ZEB1: variants seen among roughly 807,000 people sequenced by gnomAD.
The protein encoded by ZEB1 is zinc finger E-box-binding homeobox 1.
A neutral mutation model predicts 84.9 loss-of-function variants in ZEB1; 21 were observed. The ratio of observed to expected loss-of-function variants is 0.25; its 90% CI spans 0.18 to 0.36. ZEB1 has a LOEUF of 0.36. ZEB1 is among the 10% of genes least tolerant of loss of function. ZEB1 has a pLI of 1.00. For missense variants in ZEB1, 1,104 were observed against 1,330.2 expected (o/e 0.83, Z 2.65); for synonymous variants, 420 against 471.1 (o/e 0.89, Z 1.41).
intron 1 of ZEB1, among the ~76,000 whole-genome samples, chr10:31,351,730 G>T (rs2041347850): frequency 6.6e-6 from 1 of 152,044 alleles, no homozygotes; most frequent in Admixed American, 6.5e-5. Context: ...ATCCTTCAGA[G>T]GTTATCTAAA....
chr10:31,386,062 T>C (rs1464011072), intron 1 of ZEB1, among the ~76,000 whole-genome samples: 1 of 152,138 alleles, frequency 6.6e-6, no homozygotes, highest in Admixed American at 6.5e-5. Flanking sequence ...GGCAGAATTA[T>C]AGCTATAGAC....
At chr10:31,389,432 G>A (rs770077014) in intron 1 of ZEB1, among the ~76,000 whole-genome samples, 1 of 151,908 alleles carries the variant, frequency 6.6e-6, no homozygotes, top group Non-Finnish European at 1.5e-5. Flanking sequence ...GTCTTTCATC[G>A]GTATCTGTAT....
At chr10:31,422,755 A>C (rs887994446) in intron 1 of ZEB1, among the ~76,000 whole-genome samples, 1 of 151,888 alleles carries the variant, frequency 6.6e-6, no homozygotes, top group African/African-American at 2.4e-5. Context: ...TTTGGGTGCA[A>C]ATGATCCTGT....
Position 31,398,300 on chromosome 10 carries a change from T to TTA in ZEB1, c.59-62729_59-62728dup, listed in dbSNP as rs112320017. Among the ~76,000 whole-genome samples the TTA allele has an allele frequency of 2.1e-4, 32 of 152,180 alleles. 2 individuals carry two copies. The highest frequency in any genetic ancestry group is 7.7e-4 in the African/African-American group (32 of 41,530). On this transcript the variant is annotated intron_variant, in intron 1 of 8. Coordinates refer to ENST00000424869, the MANE Select transcript of ZEB1 (RefSeq NM_001174096.2). ...ACATTTATACTTATTTTTAGAACCA[T>TTA]TATATATATTGGCTTCTTTGTATTA...
At chr10:31,322,809 C>T (rs2034480269) in intron 1 of ZEB1, among the ~76,000 whole-genome samples, 1 of 150,360 alleles carries the variant, frequency 6.7e-6, no homozygotes. Flanking sequence ...GATTAATTCT[C>T]TTTAGATGGA....
chr10:31,443,211 G>C (rs563321233), intron 1 of ZEB1, among the ~76,000 whole-genome samples: 42 of 152,218 alleles, frequency 2.8e-4, no homozygotes, highest in African/African-American at 9.6e-4. Flanking sequence ...ATTCTTACTG[G>C]GTGGTTCATC....
chr10:31,387,191 G>T (rs1334299542), intron 1 of ZEB1: 1 of 985,752 alleles, frequency 1.0e-6, no homozygotes. Flanking sequence ...AAGATCTGCA[G>T]ATCTTTTTCA....
chr10:31,378,460 A>G lies in ZEB1; in HGVS notation c.58+59168A>G, dbSNP rs2047068224. On this transcript the variant is annotated intron_variant, in intron 1 of 8. Transcript: ENST00000424869. ...CTTAGTAGAAGATTTAAGACTACCT[A>G]TATTTTGAATTACTGTATTTTAGAT... Among the ~76,000 whole-genome samples, 8 of 151,912 alleles carry G rather than the reference A, an allele frequency of 5.3e-5. No homozygotes were observed. The South Asian group carries it at 1.7e-3, about 31-fold the overall frequency.
At chr10:31,488,084 G>A (rs60567157) in intron 2 of ZEB1, among the ~76,000 whole-genome samples, 7,807 of 148,544 alleles carry the variant, frequency 0.053, 590 homozygotes, top group East Asian at 0.18. Flanking sequence ...TATTTTCTTC[G>A]TACTATTGTC....
At chr10:31,400,440 T>C (rs1180180102) in intron 1 of ZEB1, among the ~76,000 whole-genome samples, 3 of 152,162 alleles carry the variant, frequency 2.0e-5, no homozygotes, top group East Asian at 1.9e-4. Flanking sequence ...GGTATCATTA[T>C]ATATGTAGAA....
intron 1 of ZEB1, among the ~76,000 whole-genome samples, chr10:31,425,102 G>A (rs1404285495): frequency 6.6e-6 from 1 of 152,028 alleles, no homozygotes; most frequent in Non-Finnish European, 1.5e-5. Flanking sequence ...TAGAACTCCT[G>A]AAGAAATTTG....
At chr10:31,489,453 T>G (rs2138784052) in intron 2 of ZEB1, among the ~76,000 whole-genome samples, 1 of 151,402 alleles carries the variant, frequency 6.6e-6, no homozygotes, top group South Asian at 2.1e-4. Flanking sequence ...ATTGGTTTGT[T>G]TAGGCCATTT....
intron 4 of ZEB1, among the ~76,000 whole-genome samples, chr10:31,504,980 GT>G (rs1459349870): frequency 6.6e-6 from 1 of 151,992 alleles, no homozygotes; most frequent in African/African-American, 2.4e-5. Flanking sequence ...TTCCAATACT[GT>G]GTTGAATAGG....
intron 2 of ZEB1, among the ~76,000 whole-genome samples, chr10:31,469,234 C>T (rs1206025170): frequency 6.6e-6 from 1 of 152,156 alleles, no homozygotes; most frequent in Admixed American, 6.5e-5. Flanking sequence ...AGGAACAGCT[C>T]CGGTCTACAG....
chr10:31,505,167 G>A (rs771559632), intron 4 of ZEB1, among the ~76,000 whole-genome samples: 54 of 152,128 alleles, frequency 3.5e-4, no homozygotes, highest in East Asian at 1.7e-3. Flanking sequence ...TCTTTTTGAC[G>A]TGCTGTTAGA....
At chr10:31,401,805 T>A (rs1209866371) in intron 1 of ZEB1, among the ~76,000 whole-genome samples, 1 of 152,156 alleles carries the variant, frequency 6.6e-6, no homozygotes, top group African/African-American at 2.4e-5. Context: ...ACCAGATGCC[T>A]TTAGAATACA....
At chr10:31,366,944 G>A (rs1187239545) in intron 1 of ZEB1, among the ~76,000 whole-genome samples, 1 of 152,126 alleles carries the variant, frequency 6.6e-6, no homozygotes, top group Non-Finnish European at 1.5e-5. Context: ...TACAGTTAGT[G>A]CTCAAATATT....
intron 1 of ZEB1, among the ~76,000 whole-genome samples, chr10:31,389,098 A>G (rs74457711): frequency 0.015 from 2,295 of 152,246 alleles, 43 homozygotes; most frequent in African/African-American, 0.052. Flanking sequence ...TGTAGGATGT[A>G]TAAATAAAAT....
intron 2 of ZEB1, among the ~76,000 whole-genome samples, chr10:31,476,126 G>T (rs1443347241): frequency 6.6e-6 from 1 of 151,554 alleles, no homozygotes; most frequent in African/African-American, 2.4e-5. Context: ...AACCAAATGA[G>T]ATTGAGACCA....
Sources: allele counts gnomAD v4.1 joint callset (sites outside exome capture counted in the v4.1 genomes callset), GRCh38; gene constraint gnomAD v4.1.1; transcripts MANE v1.5; gene names NCBI Gene and HGNC (gene_info 2026-07-23, HGNC 2026-07-21).